Variants in ZNF383 observed in about 807,000 individuals in gnomAD.
ZNF383 encodes the protein zinc finger protein 383.
ZNF383 carries 32 observed loss-of-function variants against 44.2 expected under a neutral mutation model. The ratio of observed to expected loss-of-function variants is 0.72; its 90% CI spans 0.55 to 0.97. The LOEUF (loss-of-function observed/expected upper bound fraction) is 0.97. ZNF383 is among the 50% of genes least tolerant of loss of function. The pLI, the probability that ZNF383 is intolerant of heterozygous loss-of-function variation, is 0.00. For missense variants in ZNF383, 487 were observed against 562.5 expected (o/e 0.87, Z 1.36); for synonymous variants, 155 against 186.2 (o/e 0.83, Z 1.36).
In ZNF383 at chr19:37,235,973, G is replaced by A; in HGVS notation, c.137-6G>A. On this transcript the variant is annotated splice_region_variant and splice_polypyrimidine_tract_variant and intron_variant, in intron 4 of 5. Coordinates refer to ENST00000684119, the MANE Select transcript of ZNF383 (RefSeq NM_001387601.1). ...AACCATGTTCCATATCTTTTCTCGTGAGCAGGACTTTACACTCCTAAGCCT... is the reference window on the plus strand; with the variant it reads ...AACCATGTTCCATATCTTTTCTCGTAAGCAGGACTTTACACTCCTAAGCCT... 1 of 1,609,500 alleles carries A rather than the reference G, an allele frequency of 6.2e-7. No individual in the cohort carries two copies. The highest frequency in any genetic ancestry group is 8.5e-7 in the Non-Finnish European group (1 of 1,178,060).
At chr19:37,242,106 A>ACTATATATG (rs1974142552) in intron 5 of ZNF383, among the ~76,000 whole-genome samples, 2 of 65,062 alleles carry the variant, frequency 3.1e-5, no homozygotes, top group Non-Finnish European at 4.3e-5. Flanking sequence ...TATATAGTAT[A>ACTATATATG]GTATCTATAT....
chr19:37,218,452 C>G (rs1005376163), intron 1 of ZNF383, 178 bp downstream of exon 1: 6 of 152,846 alleles, frequency 3.9e-5, no homozygotes, highest in Non-Finnish European at 5.9e-5. Flanking sequence ...TCTCTGTGTG[C>G]GCGGGTGTGA....
chr19:37,235,178 C>T (rs2145515726), intron 3 of ZNF383, among the ~76,000 whole-genome samples: 1 of 151,516 alleles, frequency 6.6e-6, no homozygotes, highest in African/African-American at 2.4e-5. Context: ...GAGGCTGAGG[C>T]AGGAGAATTG....
intron 3 of ZNF383, among the ~76,000 whole-genome samples, chr19:37,233,057 C>A (rs1973575899): frequency 6.6e-6 from 1 of 152,086 alleles, no homozygotes; most frequent in African/African-American, 2.4e-5. Flanking sequence ...GTCACACTTG[C>A]ATACAGTCCC....
chr19:37,243,048 A>G lies in ZNF383; in HGVS notation c.812A>G (p.Asp271Gly). The change falls in exon 6 of 6, where the codon GAC (aspartate) becomes GGC (glycine). Residue 271 changes from aspartate to glycine, a missense_variant. By Grantham distance (94) the Asp-to-Gly change is moderately conservative. Coordinates refer to ENST00000684119, the MANE Select transcript of ZNF383 (RefSeq NM_001387601.1). The stretch of plus-strand genomic sequence containing the variant: ...TTTAGTTATTGCTCAAATCTTATTG[A>G]CCATCAGCGAATTCACACTGGTGAA... Reference protein sequence around the residue: ...KAFSYCSNLIDHQRIHTGEKP... With the variant: ...KAFSYCSNLIGHQRIHTGEKP... 1 of 1,614,074 alleles carries G rather than the reference A, an allele frequency of 6.2e-7. No individual in the cohort carries two copies.
Position 37,243,386 on chromosome 19 carries a change from C to T in ZNF383, c.1150C>T (p.His384Tyr). 6.2e-7 allele frequency: 1 copy of T among 1,614,202 alleles called. No individual in the cohort carries two copies. The highest frequency in any genetic ancestry group is 8.5e-7 in the Non-Finnish European group (1 of 1,180,040). ...AFTQSSQLRQ[H>Y]QRIHAGEKPF... is the part of the protein sequence containing the mutation. ...TACTCAGAGCTCACAGCTTCGTCAA[C>T]ATCAGAGAATTCACGCTGGTGAGAA... Residue 384 changes from histidine (H) to tyrosine (Y), a missense_variant, in exon 6 of 6, where the codon CAT (histidine) becomes TAT (tyrosine). By Grantham distance (83) the His-to-Tyr change is moderately conservative. Transcript: ENST00000684119.
chr19:37,243,867 C>T lies in ZNF383; in HGVS notation c.*203C>T. 1 of 441,770 alleles carries T rather than the reference C, an allele frequency of 2.3e-6. No individual in the cohort carries two copies. Among genetic ancestry groups the T allele is most frequent in the South Asian group, 5.9e-5 (1 of 17,066 alleles). The allele number at this position is 441,770 out of a possible 1,614,324, so 27.4% of individuals were successfully genotyped here. On this transcript the variant is annotated 3_prime_UTR_variant, in exon 6 of 6. Transcript: ENST00000684119. ...TACCGATGCCAGCTGTTCTATAATTCTTTCATTCATTGTTTTGTTCTACTT... is the reference window on the plus strand; with the variant it reads ...TACCGATGCCAGCTGTTCTATAATTTTTTCATTCATTGTTTTGTTCTACTT...
Position 37,242,522 on chromosome 19 carries a change from G to A in ZNF383, c.286G>A (p.Glu96Lys), listed in dbSNP as rs748087469. Residue 96 changes from glutamate (E) to lysine (K), a missense_variant, in exon 6 of 6, where the codon GAA (glutamate) becomes AAA (lysine). Transcript: ENST00000684119. ...KLLSLKKEVY[E>K]IELCQREIMG... ...ATTATCTCTAAAGAAGGAAGTTTAT[G>A]AAATAGAATTATGCCAGAGGGAGAT... 1 of 1,612,472 alleles carries A rather than the reference G, an allele frequency of 6.2e-7. No individual in the cohort carries two copies. Among genetic ancestry groups the A allele is most frequent in the South Asian group, 1.1e-5 (1 of 90,660 alleles).
intron 2 of ZNF383, 168 bp downstream of exon 2, chr19:37,225,107 T>A (rs976008183): frequency 6.6e-6 from 1 of 151,948 alleles, no homozygotes; most frequent in African/African-American, 2.4e-5. Flanking sequence ...TTAATAATTT[T>A]TTTTTTGAGA....
intron 2 of ZNF383, among the ~76,000 whole-genome samples, chr19:37,228,888 C>T (rs1172419405): frequency 6.6e-6 from 1 of 151,960 alleles, no homozygotes; most frequent in Non-Finnish European, 1.5e-5. Flanking sequence ...ATTCGCCCAC[C>T]TTTTTTGTGC....
At chr19:37,242,427 C>T (rs760347909) in intron 5 of ZNF383, 42 bp from the exon 6 acceptor site, 1 of 1,363,936 alleles carries the variant, frequency 7.3e-7, no homozygotes, top group Non-Finnish European at 1.0e-6. Flanking sequence ...TAATTTTTCA[C>T]AAATAGGAAA....
intron 5 of ZNF383, among the ~76,000 whole-genome samples, chr19:37,240,661 G>A (rs1437087717): frequency 3.3e-5 from 5 of 152,118 alleles, no homozygotes; most frequent in African/African-American, 1.2e-4. Flanking sequence ...AAATTCCAAG[G>A]CAAACAATAT....
chr19:37,242,983 C>G lies in ZNF383; in HGVS notation c.747C>G (p.Thr249=). The G allele has an allele frequency of 6.2e-7, 1 of 1,613,604 alleles. No individual in the cohort carries two copies. The highest frequency in any genetic ancestry group is 1.1e-5 in the South Asian group (1 of 91,050). Reference sequence around the variant, plus strand: ...TTTCTCAACATCAGAGAATCCATACCGGTAAGAAACCCTATGAATGTAAGG... The same window carrying G: ...TTTCTCAACATCAGAGAATCCATACGGGTAAGAAACCCTATGAATGTAAGG... ...SYLSQHQRIH[T]GKKPYECKEC... Residue 249 remains threonine (T), a synonymous_variant, in exon 6 of 6, where the codon ACC becomes ACG. Coordinates refer to ENST00000684119, the MANE Select transcript of ZNF383 (RefSeq NM_001387601.1).
rs1171057407 is a variant in ZNF383 at position 37,247,748 on chromosome 19, A to G, written c.*4084A>G. 1 of 152,196 alleles carries G rather than the reference A, an allele frequency of 6.6e-6. No homozygotes were observed. Among genetic ancestry groups the G allele is most frequent in the Non-Finnish European group, 1.5e-5 (1 of 68,032 alleles). 9.4% of individuals were successfully genotyped at this position (152,196 alleles called of 1,614,324 possible). Reference sequence around the variant, plus strand: ...TTTTATAATATATCTGAAAATCTGGAAAAAGTCTGTGATTTTTAATAAGTT... The same window carrying G: ...TTTTATAATATATCTGAAAATCTGGGAAAAGTCTGTGATTTTTAATAAGTT... On this transcript the variant is annotated 3_prime_UTR_variant, in exon 6 of 6. Transcript: ENST00000684119.
At chr19:37,221,289 C>G (rs1432391704) in intron 1 of ZNF383, among the ~76,000 whole-genome samples, 1 of 152,076 alleles carries the variant, frequency 6.6e-6, no homozygotes, top group East Asian at 1.9e-4. Context: ...AAAAGTATAA[C>G]ATACATTCTG....
rs1973086073 is a variant in ZNF383 at position 37,224,881 on chromosome 19, C to T, written c.-104C>T. 6.6e-6 allele frequency: 1 copy of T among 152,248 alleles called. No individual in the cohort carries two copies. Among genetic ancestry groups the T allele is most frequent in the Non-Finnish European group, 1.5e-5 (1 of 68,232 alleles). 9.4% of individuals were successfully genotyped at this position (152,248 alleles called of 1,614,324 possible). On this transcript the variant is annotated 5_prime_UTR_variant, in exon 2 of 6. Coordinates refer to ENST00000684119, the MANE Select transcript of ZNF383 (RefSeq NM_001387601.1). ...GCATGATCTCAGCTCACTGCAGCCTCTGCTTTCCGGGTTCAAGCGATTCTC... is the reference window on the plus strand; with the variant it reads ...GCATGATCTCAGCTCACTGCAGCCTTTGCTTTCCGGGTTCAAGCGATTCTC...
intron 2 of ZNF383, among the ~76,000 whole-genome samples, chr19:37,229,614 A>ATGTG (rs544243696): frequency 1.6e-3 from 209 of 128,822 alleles, no homozygotes; most frequent in Admixed American, 4.5e-3. Flanking sequence ...ATATATATAT[A>ATGTG]TGTGTGTGTG....
chr19:37,240,546 C>G (rs1974034367), intron 5 of ZNF383, among the ~76,000 whole-genome samples: 1 of 152,170 alleles, frequency 6.6e-6, no homozygotes, highest in East Asian at 1.9e-4. Context: ...GTATGTTGTA[C>G]TGTGTCTTAG....
Position 37,244,827 on chromosome 19 carries a change from T to A in ZNF383, c.*1163T>A, listed in dbSNP as rs1342838935. On this transcript the variant is annotated 3_prime_UTR_variant, in exon 6 of 6. Coordinates refer to ENST00000684119, the MANE Select transcript of ZNF383 (RefSeq NM_001387601.1). Reference sequence around the variant, plus strand: ...GAAAATCGTGCTATACTTTGCTTTTTTAAGAAAGTGTAATTATGATATGCA... The same window carrying A: ...GAAAATCGTGCTATACTTTGCTTTTATAAGAAAGTGTAATTATGATATGCA... 1 of 152,220 alleles carries A rather than the reference T, an allele frequency of 6.6e-6. No homozygotes were observed. Among genetic ancestry groups the A allele is most frequent in the Non-Finnish European group, 1.5e-5 (1 of 68,028 alleles). The allele number at this position is 152,220 out of a possible 1,614,324, so 9.4% of individuals were successfully genotyped here. A position where few individuals can be genotyped will look rare whatever the true frequency, so the allele number is the denominator to read the frequency against.
Sources: allele counts gnomAD v4.1 joint callset (sites outside exome capture counted in the v4.1 genomes callset), GRCh38; gene constraint gnomAD v4.1.1; transcripts MANE v1.5; gene names NCBI Gene and HGNC (gene_info 2026-07-23, HGNC 2026-07-21).